The following PCDHGC4 variants were observed in gnomAD, a reference collection of about 807,000 sequenced individuals.
PCDHGC4 encodes protocadherin gamma subfamily C, 4.
A neutral mutation model predicts 59.7 loss-of-function variants in PCDHGC4; 15 were observed. The observed-to-expected ratio is 0.25, with a 90% CI of 0.17 to 0.39. PCDHGC4 has a LOEUF of 0.39. Among genes scored for constraint, PCDHGC4 ranks in the 10% least tolerant of loss-of-function variants. PCDHGC4 has a pLI of 1.00. For synonymous variants in PCDHGC4, 434 were observed against 481.4 expected, an observed-to-expected ratio of 0.90 and a Z score of 1.29; for missense variants, 1,016 against 1,189.5, an observed-to-expected ratio of 0.85 and a Z score of 2.15.
At chr5:141,504,545 TGTTGGGGG>T in intron 2 of PCDHGC4, among the ~76,000 whole-genome samples, 1 of 151,524 alleles carries the variant, frequency 6.6e-6, no homozygotes, top group South Asian at 2.1e-4. Flanking sequence ...TCATGGCAAA[TGTTGGGGG>T]ACTGGCATTC....
At chr5:141,505,650 T>C (rs1595974645) in intron 3 of PCDHGC4, among the ~76,000 whole-genome samples, 169 bp downstream of exon 3, 1 of 152,094 alleles carries the variant, frequency 6.6e-6, no homozygotes, top group East Asian at 1.9e-4. Flanking sequence ...GAATTGTGGC[T>C]AAGGAACAGC....
chr5:141,505,621 A>G (rs1170133157), intron 3 of PCDHGC4, 140 bp downstream of exon 3: 5 of 1,495,758 alleles, frequency 3.3e-6, no homozygotes, highest in South Asian at 2.6e-5. Context: ...AGGACCCACA[A>G]TTCCAAACAT....
In PCDHGC4 at chr5:141,512,394, C is replaced by A. The variant is rs750967336; in HGVS notation, c.*1221C>A. 1 of 152,706 alleles carries A rather than the reference C, an allele frequency of 6.5e-6. No homozygotes were observed. The highest frequency in any genetic ancestry group is 1.5e-5 in the Non-Finnish European group (1 of 68,084). The allele number at this position is 152,706 out of a possible 1,614,324, so 9.5% of individuals were successfully genotyped here. ...GACCAAATGAACAGAAAGTCTCAGC[C>A]CAGGATGGGGCTTCTTCAACAGGGC... is the stretch of plus-strand genomic sequence containing the variant. On this transcript the variant is annotated 3_prime_UTR_variant, in exon 4 of 4. Transcript: ENST00000306593.
At chr5:141,504,980 G>A (rs113323355) in intron 2 of PCDHGC4, among the ~76,000 whole-genome samples, 174 of 152,196 alleles carry the variant, frequency 1.1e-3, no homozygotes, top group African/African-American at 3.9e-3. Context: ...TGGCCAACAT[G>A]GTGAAACCCC....
intron 2 of PCDHGC4, among the ~76,000 whole-genome samples, chr5:141,502,866 C>CTTTTTCTT (rs2099816520): frequency 1.6e-5 from 2 of 128,030 alleles, no homozygotes; most frequent in African/African-American, 6.2e-5. Flanking sequence ...GACTCTCTGT[C>CTTTTTCTT]TTTTTTTTTT....
At position 141,491,823 on chromosome 5, in the gene PCDHGC4, C is replaced by G; in HGVS notation, c.2443-2984C>G. Reference sequence around the variant, plus strand: ...GCCGGCTTGGTCGCTGGCTGCGCTCCACCCGATTCTCGGGATCATTGGACC... The same window carrying G: ...GCCGGCTTGGTCGCTGGCTGCGCTCGACCCGATTCTCGGGATCATTGGACC... On this transcript the variant is annotated intron_variant, in intron 1 of 3. Transcript: ENST00000306593. The surrounding 1 kb of genome is among the most constrained non-coding windows in gnomAD (Gnocchi z 6.9). The G allele has an allele frequency of 6.8e-7, 1 of 1,479,156 alleles. No individual in the cohort carries two copies. Among genetic ancestry groups the G allele is most frequent in the Non-Finnish European group, 9.0e-7 (1 of 1,115,292 alleles). 91.6% of individuals were successfully genotyped at this position (1,479,156 alleles called of 1,614,324 possible). A position where few individuals can be genotyped will look rare whatever the true frequency, so the allele number is the denominator to read the frequency against.
Position 141,487,925 on chromosome 5 carries a change from C to T in PCDHGC4, c.2442+310C>T. 4.8e-6 allele frequency: 3 copies of T among 629,734 alleles called. No homozygotes were observed. The highest frequency in any genetic ancestry group is 8.3e-6 in the Non-Finnish European group (3 of 362,440). 39.0% of individuals were successfully genotyped at this position (629,734 alleles called of 1,614,324 possible). On this transcript the variant is annotated intron_variant, in intron 1 of 3. Coordinates refer to ENST00000306593, the MANE Select transcript of PCDHGC4 (RefSeq NM_018928.3). The surrounding 1 kb of genome is among the most constrained non-coding windows in gnomAD (Gnocchi z 5.0). ...TGTGGGAGCACAGGAGGCTACAGTGCACAGGGTACAGTGCACCAGGCAGTC... is the reference window on the plus strand; with the variant it reads ...TGTGGGAGCACAGGAGGCTACAGTGTACAGGGTACAGTGCACCAGGCAGTC...
At chr5:141,500,877 A>ATT (rs369345007) in intron 2 of PCDHGC4, among the ~76,000 whole-genome samples, 3 of 122,284 alleles carry the variant, frequency 2.5e-5, no homozygotes, top group Admixed American at 2.4e-4. Flanking sequence ...TTCATTTACA[A>ATT]TTTTTTTTTT....
Position 141,503,010 on chromosome 5 carries a change from AT to A in PCDHGC4, c.2502-2371del, listed in dbSNP as rs199924715. ...AGGCGTGTGCCACCATGCCCGGTTA[AT>A]TTTTTTTTTTTAATATCTATTTTAG... On this transcript the variant is annotated intron_variant, in intron 2 of 3. Coordinates refer to ENST00000306593, the MANE Select transcript of PCDHGC4 (RefSeq NM_018928.3). Among the ~76,000 whole-genome samples the A allele has an allele frequency of 6.8e-3, 997 of 146,562 alleles. 9 individuals are homozygous for A. The highest frequency in any genetic ancestry group is 0.023 in the African/African-American group (916 of 39,838).
intron 2 of PCDHGC4, among the ~76,000 whole-genome samples, chr5:141,504,713 G>A (rs1443171981): frequency 1.3e-5 from 2 of 151,850 alleles, no homozygotes; most frequent in African/African-American, 2.4e-5. Context: ...TATGGCCGTG[G>A]ATTTTACTCT....
intron 1 of PCDHGC4, 48 bp from the exon 2 acceptor site, chr5:141,494,759 C>CT: frequency 6.2e-7 from 1 of 1,613,886 alleles, no homozygotes; most frequent in Non-Finnish European, 8.5e-7. Flanking sequence ...GGGTGACATT[C>CT]TAACTTCTCA....
Position 141,506,556 on chromosome 5 carries a change from AC to A in PCDHGC4, c.2590+1080del, listed in dbSNP as rs560503002. Among the ~76,000 whole-genome samples the A allele has an allele frequency of 4.0e-4, 60 of 151,718 alleles. 1 individual carries two copies. In the East Asian group the frequency reaches 0.011, roughly 28 times the overall value. ...AATGAGTCCTTAGGTAAGTTATTAA[AC>A]CCCCTCGGTTTCACTTACTATTAAT... On this transcript the variant is annotated intron_variant, in intron 3 of 3. Coordinates refer to ENST00000306593, the MANE Select transcript of PCDHGC4 (RefSeq NM_018928.3).
rs752145084 is a variant in PCDHGC4 at position 141,489,550 on chromosome 5, C to T, written c.2442+1935C>T. On this transcript the variant is annotated intron_variant, in intron 1 of 3. Coordinates refer to ENST00000306593, the MANE Select transcript of PCDHGC4 (RefSeq NM_018928.3). This position sits in a 1 kb window ranked among gnomAD's most constrained non-coding sequence, Gnocchi z 4.5. ...ATGTGGAGCCAGCACCAGCTGCCTGCTGCCAGTGCAGGTGGTGACTGAACA... is the reference window on the plus strand; with the variant it reads ...ATGTGGAGCCAGCACCAGCTGCCTGTTGCCAGTGCAGGTGGTGACTGAACA... The T allele has an allele frequency of 1.2e-6, 2 of 1,614,132 alleles. No homozygotes were observed. The highest frequency in any genetic ancestry group is 1.7e-5 in the Admixed American group (1 of 60,030).
At chr5:141,497,500 T>G (rs1468175808) in intron 2 of PCDHGC4, among the ~76,000 whole-genome samples, 2 of 151,562 alleles carry the variant, frequency 1.3e-5, no homozygotes, top group Non-Finnish European at 2.9e-5. Context: ...CTCTCTCCTC[T>G]CTCTGCTTCC....
At position 141,486,464 on chromosome 5, in the gene PCDHGC4, G is replaced by A; in HGVS notation, c.1291G>A (p.Gly431Arg). The A allele has an allele frequency of 1.2e-6, 2 of 1,614,034 alleles. No homozygotes were observed. Among genetic ancestry groups the A allele is most frequent in the Non-Finnish European group, 1.7e-6 (2 of 1,179,946 alleles). The change falls in exon 1 of 4, where the codon GGG becomes AGG. Residue 431 changes from glycine to arginine, a missense_variant. Gly to Arg is a moderately radical substitution (Grantham distance 125, BLOSUM62 -2). Transcript: ENST00000306593. This position sits in a 1 kb window ranked among gnomAD's most constrained non-coding sequence, Gnocchi z 5.0. ...YDIMVTASDAGNPPLSTHRTI... is the reference protein window; with the variant it reads ...YDIMVTASDARNPPLSTHRTI... ...CATCATGGTCACTGCTTCTGATGCTGGGAACCCTCCTCTCAGTACCCACAG... is the reference window on the plus strand; with the variant it reads ...CATCATGGTCACTGCTTCTGATGCTAGGAACCCTCCTCTCAGTACCCACAG...
At chr5:141,488,259 C>T (rs1594750656) in intron 1 of PCDHGC4, among the ~76,000 whole-genome samples, 1 of 152,144 alleles carries the variant, frequency 6.6e-6, no homozygotes, top group African/African-American at 2.4e-5. Context: ...AAGGTTGGGG[C>T]GGGTTGGTCA....
chr5:141,494,749 G>C (rs573811540), intron 1 of PCDHGC4, 58 bp from the exon 2 acceptor site: 3 of 1,612,818 alleles, frequency 1.9e-6, no homozygotes, highest in South Asian at 2.2e-5. Context: ...CTAGGGGCTC[G>C]GGTGACATTC....
rs1367772661 is a variant in PCDHGC4, at chr5:141,512,193, GGAAGCTC to G, written c.*1026_*1032del. 2.0e-5 allele frequency: 3 copies of G among 152,756 alleles called. No homozygotes were observed. Among genetic ancestry groups the G allele is most frequent in the Non-Finnish European group, 4.4e-5 (3 of 68,136 alleles). 9.5% of individuals were successfully genotyped at this position (152,756 alleles called of 1,614,324 possible). ...GGATTAAACTGGCATTTCAGTCCAAGGAAGCTCGAAGCAGGTTTAGGACCAGGTCCCC... is the reference window on the plus strand; with the variant it reads ...GGATTAAACTGGCATTTCAGTCCAAGGAAGCAGGTTTAGGACCAGGTCCCC... On this transcript the variant is annotated 3_prime_UTR_variant, in exon 4 of 4. Coordinates refer to ENST00000306593, the MANE Select transcript of PCDHGC4 (RefSeq NM_018928.3).
Position 141,485,582 on chromosome 5 carries a change from C to G in PCDHGC4, c.409C>G (p.Gln137Glu). The G allele has an allele frequency of 6.2e-7, 1 of 1,612,374 alleles. No individual in the cohort carries two copies. Among genetic ancestry groups the G allele is most frequent in the South Asian group, 1.1e-5 (1 of 90,956 alleles). The change falls in exon 1 of 4, where the codon CAG (glutamine) becomes GAG (glutamate). Residue 137 changes from glutamine to glutamate, a missense_variant. Physicochemically the swap from Gln to Glu is conservative, Grantham distance 29. Transcript: ENST00000306593. The surrounding 1 kb of genome is among the most constrained non-coding windows in gnomAD (Gnocchi z 5.7). ...TCACGCCCCCCGTTTTCCGCGGCAG[C>G]AGCTGGACTTGGAAATTGGGGAGGC... ...NDHAPRFPRQQLDLEIGEAAP... is the reference protein window; with the variant it reads ...NDHAPRFPRQELDLEIGEAAP...
Sources: gnomAD v4.1 joint callset for allele counts (sites outside exome capture counted in the v4.1 genomes callset) on GRCh38, gnomAD v4.1.1 for gene constraint, Gnocchi (gnomAD v3.1) non-coding constraint, MANE v1.5 for transcripts, NCBI Gene and HGNC (gene_info 2026-07-23, HGNC 2026-07-21) for gene names.